The following ZNF418 variants were observed in gnomAD, a reference collection of about 807,000 sequenced individuals.
ZNF418 encodes zinc finger protein 418.
Under a neutral mutation model 32.0 loss-of-function variants are expected in ZNF418, and 32 were observed. That is an observed-to-expected ratio of 1.00 (90% CI 0.75 to 1.34). The LOEUF is 1.34. Ranked by LOEUF, ZNF418 falls within the 40% of genes most tolerant of loss-of-function variation. The pLI, the probability that ZNF418 is intolerant of heterozygous loss-of-function variation, is 0.00. For synonymous variants in ZNF418, 276 were observed against 270.7 expected (o/e 1.02, Z -0.19); for missense variants, 804 against 812.5 (o/e 0.99, Z 0.13).
In ZNF418 at chr19:57,926,283, C is replaced by A. The variant is rs2122760179; in HGVS notation, c.1898G>T (p.Ser633Ile). 1.2e-6 allele frequency: 2 copies of A among 1,607,906 alleles called. No homozygotes were observed. The highest frequency in any genetic ancestry group is 1.7e-6 in the Non-Finnish European group (2 of 1,175,420). Residue 633 changes from serine to isoleucine, a missense_variant, in exon 4 of 6, where the codon AGT becomes ATT. Ser to Ile is a moderately radical substitution (Grantham distance 142). Coordinates refer to ENST00000396147, the MANE Select transcript of ZNF418 (RefSeq NM_133460.3). ...GTGTACTCTCCTGTGTTCAGTAAGA[C>A]TGAAGGTTTCAGCAAAGGATTTCCC... ...ECGKSFAETF[S>I]LTEHRRVHTG...
rs2072195664 is a variant in ZNF418 at position 57,925,861 on chromosome 19, G to C, written c.*289C>G. The stretch of plus-strand genomic sequence containing the variant: ...TTTAGGCAGATGGCTCCGTCATAAG[G>C]CATCTCCTCCAGTGTTATGTTTTAC... On this transcript the variant is annotated 3_prime_UTR_variant, in exon 4 of 6. Transcript: ENST00000396147. 2 of 339,554 alleles carry C rather than the reference G, an allele frequency of 5.9e-6. No individual in the cohort carries two copies. Among genetic ancestry groups the C allele is most frequent in the Non-Finnish European group, 1.1e-5 (2 of 186,684 alleles). 21.0% of individuals were successfully genotyped at this position (339,554 alleles called of 1,614,324 possible).
In ZNF418 at chr19:57,926,852, C is replaced by T. The variant is rs780336755; in HGVS notation, c.1329G>A (p.Gln443=). ...TTTCTCCAGTGTGGCTTCGCTGATGCTGAATGAGGTTGCCCTTTCGACTAA... is the reference window on the plus strand; with the variant it reads ...TTTCTCCAGTGTGGCTTCGCTGATGTTGAATGAGGTTGCCCTTTCGACTAA... ...KSFSRKGNLI[Q]HQRSHTGERP... Residue 443 remains glutamine, a synonymous_variant, in exon 4 of 6, where the codon CAG becomes CAA. Transcript: ENST00000396147. 1 of 1,614,090 alleles carries T rather than the reference C, an allele frequency of 6.2e-7. No homozygotes were observed. Among genetic ancestry groups the T allele is most frequent in the South Asian group, 1.1e-5 (1 of 91,076 alleles).
At chr19:57,930,614 A>C in intron 2 of ZNF418, 60 bp from the exon 3 acceptor site, 1 of 1,604,756 alleles carries the variant, frequency 6.2e-7, no homozygotes, top group East Asian at 2.2e-5. Flanking sequence ...ACCACAATCC[A>C]CCTCTCCCAC....
chr19:57,934,186 A>G (rs1210570174), intron 1 of ZNF418: 3 of 1,170,252 alleles, frequency 2.6e-6, no homozygotes, highest in Middle Eastern at 3.6e-4. Context: ...TGAATGGGGA[A>G]TAAGGCCAGT....
At position 57,926,644 on chromosome 19, in the gene ZNF418, TAC is replaced by T. The variant is rs769585723; in HGVS notation, c.1535_1536del (p.Cys512Ter). On this transcript the variant is annotated frameshift_variant, in exon 4 of 6. Transcript: ENST00000396147. LOFTEE classifies it low-confidence loss of function (END_TRUNC). ...RVHTGEKPFE[C>X]SECGKSFPQS... ...TGAGGAAATGACTTCCCACATTCAC[TAC>T]ACTCAAACGGTTTTTCTCCAGTGTG... 18 of 1,613,978 alleles carry T rather than the reference TAC, an allele frequency of 1.1e-5. No individual in the cohort carries two copies. The highest frequency in any genetic ancestry group is 1.4e-5 in the Non-Finnish European group (17 of 1,180,042).
At position 57,922,276 on chromosome 19, in the gene ZNF418, G is replaced by A. The variant is rs979416685; in HGVS notation, c.*979C>T. 1 of 270,150 alleles carries A rather than the reference G, an allele frequency of 3.7e-6. No homozygotes were observed. The highest frequency in any genetic ancestry group is 6.9e-6 in the Non-Finnish European group (1 of 145,336). The allele number at this position is 270,150 out of a possible 1,614,324, so 16.7% of individuals were successfully genotyped here. A position where few individuals can be genotyped will look rare whatever the true frequency, so the allele number is the denominator to read the frequency against. On this transcript the variant is annotated 3_prime_UTR_variant, in exon 6 of 6. Transcript: ENST00000396147. ...TGAGTCCCTGTACATGACGAGATGG[G>A]CTTTTATTAACCTCTTTGTTAGTTT...
intron 2 of ZNF418, chr19:57,932,659 G>A (rs2072531717): frequency 7.2e-7 from 1 of 1,389,642 alleles, no homozygotes; most frequent in Non-Finnish European, 9.3e-7. Flanking sequence ...AAGAAAAGTG[G>A]AAAACAAAAG....
chr19:57,928,066 T>G lies in ZNF418; in HGVS notation c.134-19A>C. 2 of 1,517,826 alleles carry G rather than the reference T, an allele frequency of 1.3e-6. No individual in the cohort carries two copies. The highest frequency in any genetic ancestry group is 1.8e-6 in the Non-Finnish European group (2 of 1,131,176). 94.0% of individuals were successfully genotyped at this position (1,517,826 alleles called of 1,614,324 possible). A position where few individuals can be genotyped will look rare whatever the true frequency, so the allele number is the denominator to read the frequency against. On this transcript the variant is annotated intron_variant, in intron 3 of 5. Coordinates refer to ENST00000396147, the MANE Select transcript of ZNF418 (RefSeq NM_133460.3). ...CAACAACCTGAAAGCAAGAAAATGC[T>G]GATGAATTCAAGTTAACTCTGGTGG...
chr19:57,930,853 C>T (rs1022570269), intron 2 of ZNF418, among the ~76,000 whole-genome samples: 4 of 152,212 alleles, frequency 2.6e-5, no homozygotes, highest in African/African-American at 9.6e-5. Flanking sequence ...CCTCAGCTCA[C>T]TGCAACCTCT....
chr19:57,928,892 G>A (rs1251640403), intron 3 of ZNF418, among the ~76,000 whole-genome samples: 1 of 152,120 alleles, frequency 6.6e-6, no homozygotes, highest in African/African-American at 2.4e-5. Flanking sequence ...TACTCGGGAG[G>A]CTGAGGCAGG....
At chr19:57,934,959 G>A (rs773807824) in intron 1 of ZNF418, 483 of 1,377,290 alleles carry the variant, frequency 3.5e-4, no homozygotes, top group Non-Finnish European at 4.3e-4. Context: ...CTGTCCTCCA[G>A]GCCATAGCCC....
rs921318755 is a variant in ZNF418, at chr19:57,926,857, T to G, written c.1324A>C (p.Ile442Leu). Reference protein sequence around the residue: ...GKSFSRKGNLIQHQRSHTGER... With the variant: ...GKSFSRKGNLLQHQRSHTGER... ...CCAGTGTGGCTTCGCTGATGCTGAA[T>G]GAGGTTGCCCTTTCGACTAAAAGAT... is the stretch of plus-strand genomic sequence containing the variant. Residue 442 changes from isoleucine to leucine, a missense_variant, in exon 4 of 6, where the codon ATT becomes CTT. By Grantham distance (5) the Ile-to-Leu change is conservative (BLOSUM62 2). Coordinates refer to ENST00000396147, the MANE Select transcript of ZNF418 (RefSeq NM_133460.3). 2 of 1,614,110 alleles carry G rather than the reference T, an allele frequency of 1.2e-6. No individual in the cohort carries two copies. Among genetic ancestry groups the G allele is most frequent in the Non-Finnish European group, 1.7e-6 (2 of 1,180,030 alleles).
chr19:57,934,003 T>G (rs998574901), intron 1 of ZNF418, 101 bp from the exon 2 acceptor site: 9 of 1,529,878 alleles, frequency 5.9e-6, no homozygotes, highest in Non-Finnish European at 7.9e-6. Context: ...GTACCAACTC[T>G]GTAGTTAACC....
intron 3 of ZNF418, among the ~76,000 whole-genome samples, chr19:57,929,338 T>G (rs2072385302): frequency 6.6e-6 from 1 of 152,014 alleles, no homozygotes; most frequent in African/African-American, 2.4e-5. Flanking sequence ...AGTGACAGGC[T>G]CCCTCTGAGA....
chr19:57,931,181 G>A (rs1568551711), intron 2 of ZNF418, among the ~76,000 whole-genome samples: 1 of 152,094 alleles, frequency 6.6e-6, no homozygotes, highest in African/African-American at 2.4e-5. Flanking sequence ...TCCATTAGAC[G>A]TACTCCCTCT....
chr19:57,924,655 C>T (rs1056253760), intron 4 of ZNF418, among the ~76,000 whole-genome samples: 1 of 152,132 alleles, frequency 6.6e-6, no homozygotes, highest in Admixed American at 6.5e-5. Context: ...CACCACACTA[C>T]GAAACTCTGG....
At position 57,926,312 on chromosome 19, in the gene ZNF418, T is replaced by C. The variant is rs1037909458; in HGVS notation, c.1869A>G (p.Glu623=). The C allele has an allele frequency of 1.9e-6, 3 of 1,608,546 alleles. No homozygotes were observed. Among genetic ancestry groups the C allele is most frequent in the Non-Finnish European group, 2.5e-6 (3 of 1,176,600 alleles). Residue 623 remains glutamate, a synonymous_variant, in exon 4 of 6, where the codon GAA becomes GAG. Coordinates refer to ENST00000396147, the MANE Select transcript of ZNF418 (RefSeq NM_133460.3). ...HTRGKPYECS[E]CGKSFAETFS... is the part of the protein sequence containing the mutation. ...AGGTTTCAGCAAAGGATTTCCCACA[T>C]TCGCTGCACTCGTAAGGCTTTCCTC...
rs962908663 is a variant in ZNF418, at chr19:57,922,245, A to G, written c.*1010T>C. 15 of 211,196 alleles carry G rather than the reference A, an allele frequency of 7.1e-5. No individual in the cohort carries two copies. Among genetic ancestry groups the G allele is most frequent in the Admixed American group, 5.9e-5 (1 of 17,032 alleles). 13.1% of individuals were successfully genotyped at this position (211,196 alleles called of 1,614,324 possible). ...TTAGTCTCCCAAAACACTGGAATTA[A>G]AGGCATGAGTCCCTGTACATGACGA... On this transcript the variant is annotated 3_prime_UTR_variant, in exon 6 of 6. Transcript: ENST00000396147.
In ZNF418 at chr19:57,927,691, T is replaced by C. The variant is rs760527442; in HGVS notation, c.490A>G (p.Ser164Gly). ...VSEESSIFIQ[S>G]GKDFLPSSGL... ...GAGCTGGGCAAAAAGTCCTTTCCACTCTGAATGAAGATAGATGACTCCTCT... is the reference window on the plus strand; with the variant it reads ...GAGCTGGGCAAAAAGTCCTTTCCACCCTGAATGAAGATAGATGACTCCTCT... Residue 164 changes from serine (S) to glycine (G), a missense_variant, in exon 4 of 6, where the codon AGT (serine) becomes GGT (glycine). Ser to Gly is a moderately conservative substitution (Grantham distance 56). This residue lies in a region of ZNF418 where 307 missense variants were observed against 304.9 expected (regional missense o/e 1.01). Transcript: ENST00000396147. 8.1e-6 allele frequency: 13 copies of C among 1,614,166 alleles called. No homozygotes were observed. The Admixed American group carries it at 2.2e-4, about 27-fold the overall frequency.
Sources: gnomAD v4.1 joint callset for allele counts (sites outside exome capture counted in the v4.1 genomes callset) on GRCh38, gnomAD v4.1.1 for gene constraint, gnomAD v4.1.1 regional missense constraint, MANE v1.5 for transcripts, NCBI Gene and HGNC (gene_info 2026-07-23, HGNC 2026-07-21) for gene names.